The following ARL13B variants were observed in gnomAD, a reference collection of about 807,000 sequenced individuals.
The protein encoded by ARL13B is ADP-ribosylation factor-like protein 13B.
ARL13B carries 36 observed loss-of-function variants against 56.1 expected under a neutral mutation model. That is an observed-to-expected ratio of 0.64 (90% CI 0.49 to 0.85). The LOEUF (loss-of-function observed/expected upper bound fraction) is 0.85. Among genes scored for constraint, ARL13B ranks in the 40% least tolerant of loss-of-function variants. The pLI, the probability that ARL13B is intolerant of heterozygous loss-of-function variation, is 0.00. For synonymous variants in ARL13B, 178 were observed against 171.1 expected, an observed-to-expected ratio of 1.04 and a Z score of -0.32; for missense variants, 519 against 507.1, an observed-to-expected ratio of 1.02 and a Z score of -0.23.
chr3:94,035,788 T>C (rs965674905), intron 4 of ARL13B, among the ~76,000 whole-genome samples: 1 of 152,124 alleles, frequency 6.6e-6, no homozygotes, highest in Non-Finnish European at 1.5e-5. Flanking sequence ...GAAAAATTAT[T>C]TTGCTGGGCA....
At chr3:93,983,014 T>C (rs997882290) in intron 1 of ARL13B, among the ~76,000 whole-genome samples, 4 of 152,236 alleles carry the variant, frequency 2.6e-5, no homozygotes, top group African/African-American at 9.6e-5. Flanking sequence ...GAATTTCTTA[T>C]TAAGATTCCT....
intron 2 of ARL13B, among the ~76,000 whole-genome samples, chr3:94,001,424 T>C (rs925883795): frequency 1.3e-5 from 2 of 151,304 alleles, no homozygotes; most frequent in Non-Finnish European, 3.0e-5. Context: ...AATATAGTTC[T>C]CCCTTCTCTG....
chr3:94,021,727 T>C (rs949428506), intron 3 of ARL13B, among the ~76,000 whole-genome samples: 13 of 152,188 alleles, frequency 8.5e-5, no homozygotes, highest in Admixed American at 8.5e-4. Flanking sequence ...CTTCCTAGTG[T>C]TCATTTTGTG....
intron 1 of ARL13B, among the ~76,000 whole-genome samples, chr3:93,989,377 G>A (rs1710627505): frequency 6.6e-6 from 1 of 152,124 alleles, no homozygotes; most frequent in South Asian, 2.1e-4. Flanking sequence ...ATAAAGAGAA[G>A]TTCTGGTAGA....
At chr3:93,987,004 C>G (rs1219505028) in intron 1 of ARL13B, among the ~76,000 whole-genome samples, 1 of 152,002 alleles carries the variant, frequency 6.6e-6, no homozygotes, top group Non-Finnish European at 1.5e-5. Flanking sequence ...ATCTAATTAT[C>G]ATATTGAAAG....
At chr3:94,015,003 C>G in intron 3 of ARL13B, 3 of 1,614,006 alleles carry the variant, frequency 1.9e-6, no homozygotes, top group Non-Finnish European at 1.7e-6. Context: ...TAGACTCTCT[C>G]TTAAGTAGAC....
chr3:94,022,194 G>A (rs1017281569), intron 3 of ARL13B, among the ~76,000 whole-genome samples: 2 of 152,110 alleles, frequency 1.3e-5, no homozygotes, highest in African/African-American at 4.8e-5. Context: ...TGTGATCTCA[G>A]TTCACTGCAA....
At chr3:94,034,047 A>T (rs1478394786) in intron 3 of ARL13B, among the ~76,000 whole-genome samples, 1 of 152,170 alleles carries the variant, frequency 6.6e-6, no homozygotes, top group African/African-American at 2.4e-5. Flanking sequence ...GAATTTAAAC[A>T]TAACACTTGT....
At chr3:94,020,387 T>C (rs1222826256) in intron 3 of ARL13B, among the ~76,000 whole-genome samples, 2 of 152,212 alleles carry the variant, frequency 1.3e-5, no homozygotes, top group African/African-American at 4.8e-5. Flanking sequence ...CAGCTAGTGG[T>C]AGAGTTGAGA....
chr3:94,034,611 T>C (rs918301719), intron 3 of ARL13B, among the ~76,000 whole-genome samples: 3 of 152,052 alleles, frequency 2.0e-5, no homozygotes, highest in African/African-American at 7.2e-5. Flanking sequence ...CACATTAGAA[T>C]TGTAGATGAG....
At chr3:94,028,665 C>G (rs1429175098) in intron 3 of ARL13B, 1 of 152,200 alleles carries the variant, frequency 6.6e-6, no homozygotes, top group Non-Finnish European at 1.5e-5. Flanking sequence ...AAAGGAAGAT[C>G]ATTTTCATTG....
At chr3:94,040,320 C>T (rs1005378670) in intron 6 of ARL13B, among the ~76,000 whole-genome samples, 70 of 152,142 alleles carry the variant, frequency 4.6e-4, no homozygotes, top group African/African-American at 1.6e-3. Flanking sequence ...CTCTTATTTA[C>T]ATTTTCTGTG....
At chr3:93,996,063 T>C (rs1575942746) in intron 2 of ARL13B, 119 bp downstream of exon 2, 1 of 998,782 alleles carries the variant, frequency 1.0e-6, no homozygotes, top group Non-Finnish European at 1.5e-6. Flanking sequence ...TGCATTACTT[T>C]ATATTCTTAG....
chr3:93,980,180 A>C lies in ARL13B; in HGVS notation c.-244A>C, dbSNP rs1427013421. 8 of 667,812 alleles carry C rather than the reference A, an allele frequency of 1.2e-5. No individual in the cohort carries two copies. Among genetic ancestry groups the C allele is most frequent in the Non-Finnish European group, 1.6e-5 (6 of 366,590 alleles). 41.4% of individuals were successfully genotyped at this position (667,812 alleles called of 1,614,324 possible). Reference sequence around the variant, plus strand: ...GCTTTTCTTTAGCCGGGTCCCGCTAACTCGGCTACGGTGTATCTGCGTCTT... The same window carrying C: ...GCTTTTCTTTAGCCGGGTCCCGCTACCTCGGCTACGGTGTATCTGCGTCTT... On this transcript the variant is annotated 5_prime_UTR_variant, in exon 1 of 10. Coordinates refer to ENST00000394222, the MANE Select transcript of ARL13B (RefSeq NM_001174150.2).
chr3:94,050,166 G>GAA (rs77813443), intron 8 of ARL13B, among the ~76,000 whole-genome samples: 83 of 90,306 alleles, frequency 9.2e-4, no homozygotes, highest in Admixed American at 1.5e-3. Context: ...TCCATCTCGG[G>GAA]AAAAAAAAAA....
At position 94,054,995 on chromosome 3, in the gene ARL13B, G is replaced by A. The variant is rs1003888647; in HGVS notation, c.*1732G>A. ...ATATTTATCTCGTTTGGGAGTATAC[G>A]TGTTTTTAAAATTTGTGTTTTCTAT... On this transcript the variant is annotated 3_prime_UTR_variant, in exon 10 of 10. Coordinates refer to ENST00000394222, the MANE Select transcript of ARL13B (RefSeq NM_001174150.2). The A allele has an allele frequency of 8.9e-5, 28 of 313,022 alleles. No individual in the cohort carries two copies. Among genetic ancestry groups the A allele is most frequent in the African/African-American group, 1.6e-4 (7 of 44,430 alleles). The allele number at this position is 313,022 out of a possible 1,614,324, so 19.4% of individuals were successfully genotyped here.
Position 94,033,152 on chromosome 3 carries a change from A to G in ARL13B, c.381-2179A>G, listed in dbSNP as rs536314998. Among the ~76,000 whole-genome samples, 31 of 152,326 alleles carry G rather than the reference A, an allele frequency of 2.0e-4. 1 individual carries two copies. The South Asian group carries it at 5.8e-3, about 29-fold the overall frequency. ...AAATCTAGCGTGTTCTCACAAGTGG[A>G]AGTTAAATAATGTGTACACATTGAC... is the stretch of plus-strand genomic sequence containing the variant. On this transcript the variant is annotated intron_variant, in intron 3 of 9. Transcript: ENST00000394222.
At chr3:94,046,918 C>T (rs1399387321) in intron 7 of ARL13B, among the ~76,000 whole-genome samples, 1 of 151,928 alleles carries the variant, frequency 6.6e-6, no homozygotes, top group Non-Finnish European at 1.5e-5. Context: ...TTTTTGGTAT[C>T]GTAGGGATAT....
At chr3:94,014,423 G>A (rs1422777342) in intron 3 of ARL13B, 1 of 1,577,664 alleles carries the variant, frequency 6.3e-7, no homozygotes, top group Non-Finnish European at 8.6e-7. Context: ...CAACAACACA[G>A]TACTCTGCAA....
Sources: allele counts gnomAD v4.1 joint callset (sites outside exome capture counted in the v4.1 genomes callset), GRCh38; gene constraint gnomAD v4.1.1; transcripts MANE v1.5; gene names NCBI Gene and HGNC (gene_info 2026-07-23, HGNC 2026-07-21).